Variants in COL28A1 observed in about 807,000 individuals in gnomAD.
The protein encoded by COL28A1 is collagen type XXVIII alpha 1 chain.
Under a neutral mutation model 150.2 loss-of-function variants are expected in COL28A1, and 161 were observed. The ratio of observed to expected loss-of-function variants is 1.07; its 90% CI spans 0.94 to 1.22. The LOEUF (loss-of-function observed/expected upper bound fraction) is 1.22, where lower values mean the gene tolerates loss of function less well. Ranked by LOEUF, COL28A1 falls within the 50% of genes most tolerant of loss-of-function variation. COL28A1 has a pLI of 0.00. For missense variants in COL28A1, 1,617 were observed against 1,388.3 expected (o/e 1.16, Z -2.62); for synonymous variants, 552 against 469.7 (o/e 1.18, Z -2.26).
chr7:7,370,869 T>G lies in COL28A1; in HGVS notation c.2922A>C (p.Gln974His). ...DFFTLQDTLK[Q>H]KLFQKICEDF... ...CCTCACAAATTTTTTGAAACAATTTTTGCTTCAGGGTGTCTTTTAAAAAAG... is the reference window on the plus strand; with the variant it reads ...CCTCACAAATTTTTTGAAACAATTTGTGCTTCAGGGTGTCTTTTAAAAAAG... The change falls in exon 33 of 35, where the codon CAA (glutamine) becomes CAC (histidine). Residue 974 changes from glutamine (Q) to histidine (H), a missense_variant. Coordinates refer to ENST00000399429, the MANE Select transcript of COL28A1 (RefSeq NM_001037763.3). The G allele has an allele frequency of 6.2e-7, 1 of 1,611,716 alleles. No individual in the cohort carries two copies. Among genetic ancestry groups the G allele is most frequent in the Non-Finnish European group, 8.5e-7 (1 of 1,178,440 alleles).
Position 7,452,338 on chromosome 7 carries a change from A to G in COL28A1, c.1490T>C (p.Ile497Thr), listed in dbSNP as rs772805345. Residue 497 changes from isoleucine (I) to threonine (T), a missense_variant, in exon 18 of 35, where the codon ATT becomes ACT. Transcript: ENST00000399429. ...GPTGPRGPVG[I>T]GVQGPKGEPG... ...ACTCACCTTTGGACCTTGTACTCCA[A>G]TTCCCACTGGTCCTCGAGGGCCTGT... The G allele has an allele frequency of 6.2e-7, 1 of 1,606,482 alleles. No homozygotes were observed. The highest frequency in any genetic ancestry group is 1.3e-5 in the African/African-American group (1 of 74,378).
At chr7:7,521,779 A>G (rs1347220237) in intron 5 of COL28A1, 126 bp downstream of exon 5, 2 of 685,858 alleles carry the variant, frequency 2.9e-6, no homozygotes, top group African/African-American at 3.6e-5. Context: ...TAGCATTTCC[A>G]TTTTTCCTCC....
At chr7:7,420,049 G>A in intron 25 of COL28A1, 96 bp from the exon 26 acceptor site, 1 of 706,792 alleles carries the variant, frequency 1.4e-6, no homozygotes, top group Non-Finnish European at 2.2e-6. Context: ...TCTTGAATGT[G>A]ACTAAGGTAT....
At chr7:7,446,923 C>T (rs1362481131) in intron 18 of COL28A1, among the ~76,000 whole-genome samples, 3 of 152,132 alleles carry the variant, frequency 2.0e-5, no homozygotes, top group Non-Finnish European at 4.4e-5. Context: ...CTTGAGTATT[C>T]AGCTGAATAT....
the COL28A1 span, among the ~76,000 whole-genome samples, chr7:7,541,597 T>C: frequency 1.3e-5 from 2 of 152,298 alleles, no homozygotes; most frequent in East Asian, 3.9e-4. Context: ...GGGCACCACC[T>C]TGTGGGACTT....
chr7:7,514,359 C>A (rs935596720), intron 8 of COL28A1, among the ~76,000 whole-genome samples: 1 of 152,204 alleles, frequency 6.6e-6, no homozygotes, highest in African/African-American at 2.4e-5. Context: ...TCCAACCACT[C>A]TGTAAATTAG....
At chr7:7,344,130 T>C in the COL28A1 span, among the ~76,000 whole-genome samples, 1 of 152,184 alleles carries the variant, frequency 6.6e-6, no homozygotes, top group Non-Finnish European at 1.5e-5. Flanking sequence ...CTCTGTCTTA[T>C]GATTATTTAG....
At chr7:7,430,925 CTGTACAGTG>C (rs1357184423) in intron 25 of COL28A1, among the ~76,000 whole-genome samples, 1 of 152,220 alleles carries the variant, frequency 6.6e-6, no homozygotes, top group Non-Finnish European at 1.5e-5. Context: ...TTTGTCCTGT[CTGTACAGTG>C]TACACAGCAC....
At chr7:7,463,140 C>T (rs1026815006) in intron 15 of COL28A1, among the ~76,000 whole-genome samples, 1 of 151,932 alleles carries the variant, frequency 6.6e-6, no homozygotes, top group Non-Finnish European at 1.5e-5. Flanking sequence ...CTTCCCCACC[C>T]CTGCTAGAGA....
At chr7:7,364,494 G>C (rs771880336) in intron 33 of COL28A1, among the ~76,000 whole-genome samples, 1 of 152,128 alleles carries the variant, frequency 6.6e-6, no homozygotes, top group Non-Finnish European at 1.5e-5. Context: ...TGCTGCTGTA[G>C]AAAGTCCTTT....
At chr7:7,390,998 G>A (rs1034589049) in intron 27 of COL28A1, among the ~76,000 whole-genome samples, 3 of 152,072 alleles carry the variant, frequency 2.0e-5, no homozygotes, top group African/African-American at 4.8e-5. Flanking sequence ...TCTGATCTTA[G>A]TTATTTCTTG....
chr7:7,474,465 G>T, intron 15 of COL28A1, 136 bp downstream of exon 15: 1 of 458,654 alleles, frequency 2.2e-6, no homozygotes, highest in Admixed American at 3.7e-5. Flanking sequence ...TTTAAAAAAA[G>T]AATATACTAG....
At chr7:7,375,622 TA>T in intron 30 of COL28A1, 125 bp from the exon 31 acceptor site, 15 of 523,702 alleles carry the variant, frequency 2.9e-5, no homozygotes, top group Non-Finnish European at 4.4e-5. Context: ...CTGCAGAAAA[TA>T]AAATAAACAA....
Position 7,440,809 on chromosome 7 carries a change from G to T in COL28A1, c.1703C>A (p.Pro568Gln). Reference sequence around the variant, plus strand: ...ACATACCTTTGGTCCTTCGGGCCCTGGAAGTCCCCTCTGTCCTTGATTTCC... The same window carrying T: ...ACATACCTTTGGTCCTTCGGGCCCTTGAAGTCCCCTCTGTCCTTGATTTCC... ...SKGNQGQRGL[P>Q]GPEGPKGEPG... The change falls in exon 21 of 35, where the codon CCA becomes CAA. Residue 568 changes from proline (P) to glutamine (Q), a missense_variant. Coordinates refer to ENST00000399429, the MANE Select transcript of COL28A1 (RefSeq NM_001037763.3). 1.3e-6 allele frequency: 2 copies of T among 1,515,688 alleles called. No individual in the cohort carries two copies. The highest frequency in any genetic ancestry group is 1.8e-6 in the Non-Finnish European group (2 of 1,091,532). 93.9% of individuals were successfully genotyped at this position (1,515,688 alleles called of 1,614,324 possible).
the COL28A1 span, among the ~76,000 whole-genome samples, chr7:7,344,794 A>G: frequency 1.3e-5 from 2 of 152,134 alleles, no homozygotes; most frequent in African/African-American, 2.4e-5. Context: ...CAACAAGGCT[A>G]AGAAACCCTG....
intron 27 of COL28A1, among the ~76,000 whole-genome samples, chr7:7,412,815 A>G (rs961760131): frequency 6.6e-6 from 1 of 152,108 alleles, no homozygotes; most frequent in African/African-American, 2.4e-5. Context: ...TCTTTTTAAC[A>G]CTGTGTAAAA....
At chr7:7,541,177 ATC>A in the COL28A1 span, among the ~76,000 whole-genome samples, 4 of 152,158 alleles carry the variant, frequency 2.6e-5, no homozygotes, top group Non-Finnish European at 5.9e-5. Flanking sequence ...TAATAGGGTC[ATC>A]TGTTTTTTTC....
intron 23 of COL28A1, among the ~76,000 whole-genome samples, chr7:7,433,146 G>A (rs1328991953): frequency 1.3e-5 from 2 of 152,170 alleles, no homozygotes; most frequent in East Asian, 3.9e-4. Context: ...TTGTTTTACA[G>A]TGATGACCTT....
intron 13 of COL28A1, among the ~76,000 whole-genome samples, chr7:7,481,035 T>C (rs1030183654): frequency 2.0e-4 from 30 of 152,232 alleles, no homozygotes; most frequent in African/African-American, 7.0e-4. Context: ...TCCAAATTAT[T>C]TTACTTGAGT....
Sources: gnomAD v4.1 joint callset for allele counts (sites outside exome capture counted in the v4.1 genomes callset) on GRCh38, gnomAD v4.1.1 for gene constraint, MANE v1.5 for transcripts, NCBI Gene and HGNC (gene_info 2026-07-23, HGNC 2026-07-21) for gene names.